The following PTPN5 variants were observed in gnomAD, a reference collection of about 807,000 sequenced individuals.
The protein encoded by PTPN5 is protein tyrosine phosphatase non-receptor type 5.
Under a neutral mutation model 73.9 loss-of-function variants are expected in PTPN5, and 29 were observed. That is an observed-to-expected ratio of 0.39 (90% CI 0.29 to 0.54). The LOEUF (loss-of-function observed/expected upper bound fraction) is 0.54, where lower values mean the gene tolerates loss of function less well. Ranked by LOEUF, PTPN5 falls within the 20% of genes least tolerant of loss-of-function variation. PTPN5 has a pLI of 0.65. For missense variants in PTPN5, 652 were observed against 751.4 expected, an observed-to-expected ratio of 0.87 and a Z score of 1.55; for synonymous variants, 267 against 304.7, an observed-to-expected ratio of 0.88 and a Z score of 1.29.
chr11:18,730,947 T>C (rs1848845348), intron 12 of PTPN5, among the ~76,000 whole-genome samples: 1 of 152,108 alleles, frequency 6.6e-6, no homozygotes, highest in South Asian at 2.1e-4. Context: ...CACACATACA[T>C]GCACACAAGT....
chr11:18,774,233 T>C (rs1851040404), intron 1 of PTPN5, among the ~76,000 whole-genome samples: 1 of 152,226 alleles, frequency 6.6e-6, no homozygotes, highest in South Asian at 2.1e-4. Flanking sequence ...GAATGTTGAC[T>C]ATCATGGTGA....
rs1037526500 is a variant in PTPN5 at position 18,770,327 on chromosome 11, C to T, written c.20+1612G>A. ...TCCTCCTCCCCACAGCCCCTGGCAA[C>T]GGCTTATTTGCTTTCTGTCTCTATG... On this transcript the variant is annotated intron_variant, in intron 2 of 14. Coordinates refer to ENST00000358540, the MANE Select transcript of PTPN5 (RefSeq NM_006906.2). Among the ~76,000 whole-genome samples, 6 of 152,314 alleles carry T rather than the reference C, an allele frequency of 3.9e-5. No homozygotes were observed. In the East Asian group the frequency reaches 5.8e-4, roughly 15 times the overall value.
At chr11:18,738,074 C>A in intron 8 of PTPN5, 110 bp from the exon 9 acceptor site, 1 of 800,942 alleles carries the variant, frequency 1.2e-6, no homozygotes, top group Non-Finnish European at 2.2e-6. Flanking sequence ...TGAGTGCACG[C>A]ATTCATTCAA....
rs1850359859 is a variant in PTPN5, at chr11:18,760,984, A to G, written c.97+4823T>C. On this transcript the variant is annotated intron_variant, in intron 3 of 14. Coordinates refer to ENST00000358540, the MANE Select transcript of PTPN5 (RefSeq NM_006906.2). Reference sequence around the variant, plus strand: ...TGAGGGTAGACACTGTCTCCTGCTTACGCATCTTCAGGTTTGAGGGGTGGC... The same window carrying G: ...TGAGGGTAGACACTGTCTCCTGCTTGCGCATCTTCAGGTTTGAGGGGTGGC... Among the ~76,000 whole-genome samples, 4 of 152,352 alleles carry G rather than the reference A, an allele frequency of 2.6e-5. 1 individual carries two copies. In the South Asian group the frequency reaches 8.3e-4, roughly 32 times the overall value.
Position 18,733,124 on chromosome 11 carries a change from G to T in PTPN5, c.1218+111C>A. 6.8e-7 allele frequency: 1 copy of T among 1,466,026 alleles called. No individual in the cohort carries two copies. The highest frequency in any genetic ancestry group is 9.2e-7 in the Non-Finnish European group (1 of 1,082,556). 90.8% of individuals were successfully genotyped at this position (1,466,026 alleles called of 1,614,324 possible). On this transcript the variant is annotated intron_variant, in intron 11 of 14. Transcript: ENST00000358540. This position sits in a 1 kb window ranked among gnomAD's most constrained non-coding sequence, Gnocchi z 4.3. The stretch of plus-strand genomic sequence containing the variant: ...CTCACATCTCCTCATCTTGGCAGCG[G>T]AGTGAACACCGCCGACCTCTTGAGA...
chr11:18,734,662 T>C (rs1849038453), intron 9 of PTPN5, among the ~76,000 whole-genome samples: 1 of 152,040 alleles, frequency 6.6e-6, no homozygotes, highest in Admixed American at 6.6e-5. Flanking sequence ...CTGGAGTAGA[T>C]TTTGTTTTGT....
rs1304434733 is a variant in PTPN5, at chr11:18,749,313, G to T, written c.98-5114C>A. 6.0e-6 allele frequency: 3 copies of T among 500,520 alleles called. No homozygotes were observed. The East Asian group carries it at 1.7e-4, about 28-fold the overall frequency. 31.0% of individuals were successfully genotyped at this position (500,520 alleles called of 1,614,324 possible). On this transcript the variant is annotated intron_variant, in intron 3 of 14. Transcript: ENST00000358540. ...TGCACAGGATGATGGGATTTTCCAG[G>T]CAAGAAAAATCAAGGCTTAGAGAGG...
At chr11:18,785,608 G>C (rs1036025616) in intron 1 of PTPN5, among the ~76,000 whole-genome samples, 2 of 152,174 alleles carry the variant, frequency 1.3e-5, no homozygotes, top group Admixed American at 1.3e-4. Context: ...CACATTGTTA[G>C]TTTTGCAAGA....
At chr11:18,762,692 C>A (rs1850454069) in intron 3 of PTPN5, among the ~76,000 whole-genome samples, 1 of 152,196 alleles carries the variant, frequency 6.6e-6, no homozygotes, top group Non-Finnish European at 1.5e-5. Context: ...GTCTGTACAG[C>A]ATTTGCTATA....
intron 3 of PTPN5, among the ~76,000 whole-genome samples, chr11:18,765,413 C>A (rs1422701077): frequency 2.6e-5 from 4 of 152,184 alleles, no homozygotes; most frequent in African/African-American, 4.8e-5. Context: ...GGTAGTTCTC[C>A]ACATCCCCCA....
intron 3 of PTPN5, among the ~76,000 whole-genome samples, chr11:18,757,173 G>T (rs951533912): frequency 6.6e-6 from 1 of 152,106 alleles, no homozygotes. Context: ...AGACTTTATG[G>T]TTTACAAATC....
rs192188833 is a variant in PTPN5, at chr11:18,739,525, G to A, written c.915+1078C>T. ...GGAGGCTGGGGCCACACGAGGTAAG[G>A]GGTGCTGATGGTGTATGCAGGTGGT... On this transcript the variant is annotated intron_variant, in intron 8 of 14. Transcript: ENST00000358540. 1.1e-3 allele frequency among the ~76,000 whole-genome samples: 173 copies of A among 152,328 alleles called. 1 individual carries two copies. The highest frequency in any genetic ancestry group is 4.0e-3 in the African/African-American group (168 of 41,574).
intron 9 of PTPN5, among the ~76,000 whole-genome samples, chr11:18,735,933 T>G (rs1363066328): frequency 6.6e-6 from 1 of 152,104 alleles, no homozygotes; most frequent in Non-Finnish European, 1.5e-5. Flanking sequence ...AGTTAGAGGT[T>G]TACTGCAATG....
intron 3 of PTPN5, among the ~76,000 whole-genome samples, chr11:18,746,192 T>TAC (rs1554916254): frequency 0.012 from 1,250 of 102,794 alleles, 54 homozygotes; most frequent in East Asian, 0.053. Flanking sequence ...TATATATATA[T>TAC]ACATTTTTTT....
chr11:18,740,375 T>TGGGTG (rs1849308777), intron 8 of PTPN5: 1 of 393,842 alleles, frequency 2.5e-6, no homozygotes, highest in Non-Finnish European at 4.5e-6. Flanking sequence ...ATGTTATAAG[T>TGGGTG]CTCTTTAATC....
At chr11:18,750,984 G>A (rs1367321527) in intron 3 of PTPN5, among the ~76,000 whole-genome samples, 1 of 152,202 alleles carries the variant, frequency 6.6e-6, no homozygotes, top group Non-Finnish European at 1.5e-5. Context: ...TTGAGGTTTT[G>A]CTTGGGTAGG....
intron 1 of PTPN5, among the ~76,000 whole-genome samples, chr11:18,777,727 C>T (rs1159862482): frequency 6.6e-6 from 1 of 152,166 alleles, no homozygotes; most frequent in Non-Finnish European, 1.5e-5. Context: ...AAGAGGATCA[C>T]TTGGGGCCAT....
Position 18,765,999 on chromosome 11 carries a change from A to G in PTPN5, c.21-116T>C, listed in dbSNP as rs953458649. 18 of 785,822 alleles carry G rather than the reference A, an allele frequency of 2.3e-5. No individual in the cohort carries two copies. The Admixed American group carries it at 3.7e-4, about 16-fold the overall frequency. 48.7% of individuals were successfully genotyped at this position (785,822 alleles called of 1,614,324 possible). On this transcript the variant is annotated intron_variant, in intron 2 of 14. Coordinates refer to ENST00000358540, the MANE Select transcript of PTPN5 (RefSeq NM_006906.2). ...ATTCTGTATCCCTTTGAATAACCCC[A>G]CCCCATCAAAGGGACCTGAGGAAAA...
At chr11:18,743,761 G>A (rs1849484083) in intron 4 of PTPN5, 10 of 572,898 alleles carry the variant, frequency 1.7e-5, no homozygotes, top group Admixed American at 9.9e-5. Context: ...CTCAGGGGTC[G>A]GGGAGGCCCT....
Sources: allele counts gnomAD v4.1 joint callset (sites outside exome capture counted in the v4.1 genomes callset), GRCh38; gene constraint gnomAD v4.1.1; non-coding constraint Gnocchi (gnomAD v3.1); transcripts MANE v1.5; gene names NCBI Gene and HGNC (gene_info 2026-07-23, HGNC 2026-07-21).